TMEM131L: variants seen among roughly 807,000 people sequenced by gnomAD.
TMEM131L encodes transmembrane protein 131-like.
TMEM131L carries 54 observed loss-of-function variants against 192.2 expected under a neutral mutation model. That is an observed-to-expected ratio of 0.28 (90% confidence interval 0.23 to 0.35). The LOEUF is 0.35. Ranked by LOEUF, TMEM131L falls within the 10% of genes least tolerant of loss-of-function variation. The pLI is 1.00. For synonymous variants in TMEM131L, 701 were observed against 704.9 expected (o/e 0.99, Z 0.09); for missense variants, 1,888 against 1,972.9 (o/e 0.96, Z 0.82).
chr4:153,619,830 T>C (rs930079119), intron 26 of TMEM131L, among the ~76,000 whole-genome samples: 8 of 152,204 alleles, frequency 5.3e-5, no homozygotes, highest in African/African-American at 1.9e-4. Context: ...GAAGTGTGAA[T>C]CCTTCAGTCA....
At chr4:153,563,275 T>C (rs1207856745) in intron 7 of TMEM131L, among the ~76,000 whole-genome samples, 12 of 152,166 alleles carry the variant, frequency 7.9e-5, no homozygotes, top group Admixed American at 7.9e-4. Flanking sequence ...ATGTGCTTGA[T>C]GTAGTATGTT....
intron 26 of TMEM131L, among the ~76,000 whole-genome samples, chr4:153,616,667 C>T (rs1160981722): frequency 6.6e-6 from 1 of 152,110 alleles, no homozygotes; most frequent in Admixed American, 6.5e-5. Flanking sequence ...AAGATCTATC[C>T]AGAATAAACC....
Position 153,514,532 on chromosome 4 carries a change from T to G in TMEM131L, c.240-35541T>G, listed in dbSNP as rs534230595. On this transcript the variant is annotated intron_variant, in intron 3 of 34. Transcript: ENST00000409959. Reference sequence around the variant, plus strand: ...AGGGCTTACTTTGTCCTAGATTCTCTTTAAAGCCCTCTACAAATGGCATCT... The same window carrying G: ...AGGGCTTACTTTGTCCTAGATTCTCGTTAAAGCCCTCTACAAATGGCATCT... 1.1e-4 allele frequency among the ~76,000 whole-genome samples: 17 copies of G among 152,340 alleles called. No individual in the cohort carries two copies. In the East Asian group the frequency reaches 1.7e-3, roughly 16 times the overall value.
chr4:153,478,540 A>T (rs3852110), intron 3 of TMEM131L, among the ~76,000 whole-genome samples: 10,159 of 152,260 alleles, frequency 0.067, 673 homozygotes, highest in East Asian at 0.23. Flanking sequence ...AACCAACATT[A>T]GTATCTTACT....
intron 19 of TMEM131L, among the ~76,000 whole-genome samples, chr4:153,595,279 T>C (rs756379602): frequency 4.6e-5 from 7 of 152,176 alleles, no homozygotes; most frequent in Non-Finnish European, 8.8e-5. Flanking sequence ...CATTGGAGTT[T>C]TTTATATACC....
At chr4:153,497,897 A>G (rs1733303387) in intron 3 of TMEM131L, among the ~76,000 whole-genome samples, 2 of 150,620 alleles carry the variant, frequency 1.3e-5, no homozygotes, top group Admixed American at 6.6e-5. Flanking sequence ...AAAAAAAAAA[A>G]AAGAAAAGTT....
chr4:153,539,638 C>T (rs569407429), intron 3 of TMEM131L, among the ~76,000 whole-genome samples: 29 of 151,884 alleles, frequency 1.9e-4, no homozygotes, highest in Non-Finnish European at 4.0e-4. Context: ...TCGACTGTAA[C>T]AGCTGCTGTG....
chr4:153,516,337 C>T (rs1734729592), intron 3 of TMEM131L, among the ~76,000 whole-genome samples: 1 of 152,110 alleles, frequency 6.6e-6, no homozygotes. Flanking sequence ...TCAAGCGATC[C>T]TCCCACCTCA....
At position 153,596,261 on chromosome 4, in the gene TMEM131L, A is replaced by C; in HGVS notation, c.1999A>C (p.Thr667Pro). 6.2e-7 allele frequency: 1 copy of C among 1,613,724 alleles called. No individual in the cohort carries two copies. Reference sequence around the variant, plus strand: ...GGTTTAATTTGTTAATTTGCAGGGTACGCATTCTGAGGAATCCAGGTTTGG... The same window carrying C: ...GGTTTAATTTGTTAATTTGCAGGGTCCGCATTCTGAGGAATCCAGGTTTGG... ...QLTEACPYLG[T>P]HSEESRFGIL... The change falls in exon 20 of 35, where the codon ACG becomes CCG. Residue 667 changes from threonine (T) to proline (P), a missense_variant. Coordinates refer to ENST00000409959, the MANE Select transcript of TMEM131L (RefSeq NM_001131007.2).
At chr4:153,597,029 T>C (rs537915067) in intron 20 of TMEM131L, among the ~76,000 whole-genome samples, 1 of 152,312 alleles carries the variant, frequency 6.6e-6, no homozygotes, top group African/African-American at 2.4e-5. Context: ...AACACAAATT[T>C]AATTTTTAAT....
chr4:153,480,376 C>T (rs1235084230), intron 3 of TMEM131L, among the ~76,000 whole-genome samples: 1 of 151,200 alleles, frequency 6.6e-6, no homozygotes, highest in Non-Finnish European at 1.5e-5. Flanking sequence ...AAAAATAAGC[C>T]GGGCGTGGCA....
chr4:153,581,108 G>T (rs967205129), intron 8 of TMEM131L, among the ~76,000 whole-genome samples: 4 of 152,152 alleles, frequency 2.6e-5, no homozygotes, highest in Non-Finnish European at 5.9e-5. Context: ...AAAAAAATTA[G>T]CCAGGCGTGC....
chr4:153,634,036 C>A (rs142343382), intron 32 of TMEM131L, among the ~76,000 whole-genome samples, 156 bp from the exon 33 acceptor site: 93 of 152,268 alleles, frequency 6.1e-4, no homozygotes, highest in African/African-American at 2.1e-3. Context: ...ATTTAGTAAG[C>A]CTTTGATTCT....
chr4:153,510,588 T>C (rs1197361840), intron 3 of TMEM131L, among the ~76,000 whole-genome samples: 1 of 152,158 alleles, frequency 6.6e-6, no homozygotes, highest in Non-Finnish European at 1.5e-5. Context: ...CATTTTTGCA[T>C]TCAGTAAAAT....
chr4:153,605,683 C>G (rs1470903806), intron 25 of TMEM131L, among the ~76,000 whole-genome samples: 3 of 152,172 alleles, frequency 2.0e-5, no homozygotes, highest in Non-Finnish European at 4.4e-5. Context: ...AATTTTTAAT[C>G]TGGAAAACTC....
chr4:153,613,692 T>A (rs1399062557), intron 26 of TMEM131L, among the ~76,000 whole-genome samples: 1 of 152,190 alleles, frequency 6.6e-6, no homozygotes, highest in Non-Finnish European at 1.5e-5. Context: ...TATAAATTAT[T>A]CCCATCATCT....
intron 7 of TMEM131L, among the ~76,000 whole-genome samples, chr4:153,575,055 G>T (rs1729844648): frequency 6.6e-6 from 1 of 152,166 alleles, no homozygotes; most frequent in Admixed American, 6.5e-5. Flanking sequence ...TTATTACCAG[G>T]AACATCAAGC....
rs568950512 is a variant in TMEM131L at position 153,509,682 on chromosome 4, A to G, written c.239+35794A>G. 7.9e-5 allele frequency among the ~76,000 whole-genome samples: 12 copies of G among 152,228 alleles called. No individual in the cohort carries two copies. The East Asian group carries it at 2.1e-3, about 27-fold the overall frequency. On this transcript the variant is annotated intron_variant, in intron 3 of 34. Transcript: ENST00000409959. ...CAGTGAGCTGAGATCGTACCACTGC[A>G]CTCCAGCCTGGGCGACAGAGCGAGA...
At chr4:153,485,426 C>T (rs1732261396) in intron 3 of TMEM131L, among the ~76,000 whole-genome samples, 1 of 152,134 alleles carries the variant, frequency 6.6e-6, no homozygotes, top group South Asian at 2.1e-4. Context: ...GATGATTTGC[C>T]CCCCTGTGAA....
Sources: gnomAD v4.1 joint callset for allele counts (sites outside exome capture counted in the v4.1 genomes callset) on GRCh38, gnomAD v4.1.1 for gene constraint, MANE v1.5 for transcripts, NCBI Gene and HGNC (gene_info 2026-07-23, HGNC 2026-07-21) for gene names.